Variants in FBXL7 observed in about 807,000 individuals in gnomAD.
FBXL7 encodes F-box and leucine rich repeat protein 7, also known as F-box/LRR-repeat protein 7.
Under a neutral mutation model 38.3 loss-of-function variants are expected in FBXL7, and 12 were observed. The observed-to-expected ratio is 0.31, with a 90% CI of 0.20 to 0.51. The LOEUF (loss-of-function observed/expected upper bound fraction) is 0.51. Ranked by LOEUF, FBXL7 falls within the 20% of genes least tolerant of loss-of-function variation. The pLI is 0.98. For synonymous variants in FBXL7, 297 were observed against 300.9 expected, an observed-to-expected ratio of 0.99 and a Z score of 0.13; for missense variants, 567 against 676.4, an observed-to-expected ratio of 0.84 and a Z score of 1.79.
At chr5:15,573,925 G>C (rs1738874582) in intron 1 of FBXL7, among the ~76,000 whole-genome samples, 1 of 152,164 alleles carries the variant, frequency 6.6e-6, no homozygotes, top group Non-Finnish European at 1.5e-5. Flanking sequence ...GGAAACTTCT[G>C]AGTCATATAA....
chr5:15,658,300 T>C lies in FBXL7; in HGVS notation c.127+42228T>C, dbSNP rs569571095. On this transcript the variant is annotated intron_variant, in intron 2 of 3. Transcript: ENST00000504595. Reference sequence around the variant, plus strand: ...TAAACTAGTAGGAATTAGTTGTGTTTGAAACTAAGAATTTTGACTGAATGA... The same window carrying C: ...TAAACTAGTAGGAATTAGTTGTGTTCGAAACTAAGAATTTTGACTGAATGA... 1.7e-4 allele frequency among the ~76,000 whole-genome samples: 26 copies of C among 152,318 alleles called. No individual in the cohort carries two copies. The South Asian group carries it at 4.8e-3, about 28-fold the overall frequency.
chr5:15,905,638 G>C lies in FBXL7; in HGVS notation c.128-22252G>C, dbSNP rs557507306. 3.9e-5 allele frequency among the ~76,000 whole-genome samples: 6 copies of C among 152,156 alleles called. No homozygotes were observed. In the South Asian group the frequency reaches 1.2e-3, roughly 32 times the overall value. Reference sequence around the variant, plus strand: ...CAACAAAATCTTGAAGAAAGCTCAGGCCACCAGCCTGGAATATGATGTCAG... The same window carrying C: ...CAACAAAATCTTGAAGAAAGCTCAGCCCACCAGCCTGGAATATGATGTCAG... On this transcript the variant is annotated intron_variant, in intron 2 of 3. Coordinates refer to ENST00000504595, the MANE Select transcript of FBXL7 (RefSeq NM_012304.5).
chr5:15,661,213 A>T (rs1434589171), intron 2 of FBXL7, among the ~76,000 whole-genome samples: 2 of 152,288 alleles, frequency 1.3e-5, no homozygotes, highest in African/African-American at 4.8e-5. Flanking sequence ...GTTTATTTCT[A>T]GTGTATAGAA....
In FBXL7 at chr5:15,597,752, T is replaced by C. The variant is rs572793610; in HGVS notation, c.38-18231T>C. Among the ~76,000 whole-genome samples, 50 of 152,310 alleles carry C rather than the reference T, an allele frequency of 3.3e-4. No homozygotes were observed. The South Asian group carries it at 9.9e-3, about 30-fold the overall frequency. On this transcript the variant is annotated intron_variant, in intron 1 of 3. Coordinates refer to ENST00000504595, the MANE Select transcript of FBXL7 (RefSeq NM_012304.5). ...AGTGATGCCTTCATGCTAGAAGAGT[T>C]TGGGAAAAGAATTCTCAGGAATTTT...
chr5:15,827,841 T>A (rs564513617), intron 2 of FBXL7, among the ~76,000 whole-genome samples: 2 of 152,350 alleles, frequency 1.3e-5, no homozygotes, highest in African/African-American at 4.8e-5. Context: ...CAGAATTTAA[T>A]TTCTTAAAAT....
At chr5:15,714,188 T>C (rs1464928644) in intron 2 of FBXL7, among the ~76,000 whole-genome samples, 1 of 152,162 alleles carries the variant, frequency 6.6e-6, no homozygotes, top group African/African-American at 2.4e-5. Context: ...GGGAGTTGAG[T>C]GGATCATGGG....
intron 2 of FBXL7, among the ~76,000 whole-genome samples, chr5:15,858,377 ATTT>A (rs1287685543): frequency 1.3e-5 from 2 of 152,098 alleles, no homozygotes; most frequent in Non-Finnish European, 2.9e-5. Context: ...TTCAGCTAAT[ATTT>A]TATTCAGGAA....
chr5:15,864,087 C>T (rs1290659182), intron 2 of FBXL7, among the ~76,000 whole-genome samples: 1 of 152,132 alleles, frequency 6.6e-6, no homozygotes, highest in African/African-American at 2.4e-5. Context: ...AATCACTTAA[C>T]ATGAGTGTCT....
chr5:15,580,645 G>GA (rs1272113649), intron 1 of FBXL7: 1 of 985,422 alleles, frequency 1.0e-6, no homozygotes, highest in Non-Finnish European at 1.2e-6. Context: ...TTGCCTGGGA[G>GA]AAAATATCAA....
At chr5:15,874,017 C>T (rs2089201) in intron 2 of FBXL7, among the ~76,000 whole-genome samples, 88,730 of 151,874 alleles carry the variant, frequency 0.58, 26,190 homozygotes, top group Non-Finnish European at 0.64. Context: ...GCGAAAATAC[C>T]CAATAAAATA....
intron 2 of FBXL7, among the ~76,000 whole-genome samples, chr5:15,728,172 T>A (rs1437961628): frequency 6.6e-6 from 1 of 152,198 alleles, no homozygotes; most frequent in Admixed American, 6.5e-5. Context: ...TTAAGATAAC[T>A]GTTTTAAAGT....
chr5:15,753,691 G>A (rs560939542), intron 2 of FBXL7, among the ~76,000 whole-genome samples: 3 of 152,262 alleles, frequency 2.0e-5, no homozygotes, highest in East Asian at 1.9e-4. Context: ...GTACTTTGAT[G>A]TAGTTCTAGT....
At chr5:15,670,671 T>C (rs1251296791) in intron 2 of FBXL7, among the ~76,000 whole-genome samples, 1 of 152,128 alleles carries the variant, frequency 6.6e-6, no homozygotes, top group Non-Finnish European at 1.5e-5. Flanking sequence ...TGCAATGGCA[T>C]GTGCCTGTAT....
chr5:15,914,572 A>G (rs565695058), intron 2 of FBXL7, among the ~76,000 whole-genome samples: 2 of 152,144 alleles, frequency 1.3e-5, no homozygotes, highest in South Asian at 2.1e-4. Flanking sequence ...CTATTAAACT[A>G]AGTGTATGTA....
intron 2 of FBXL7, among the ~76,000 whole-genome samples, chr5:15,748,236 A>G (rs2126682105): frequency 6.6e-6 from 1 of 152,316 alleles, no homozygotes; most frequent in African/African-American, 2.4e-5. Flanking sequence ...GACAACAAAC[A>G]GTTATCTGGC....
intron 2 of FBXL7, among the ~76,000 whole-genome samples, chr5:15,864,122 A>G (rs1488464808): frequency 1.3e-5 from 2 of 152,042 alleles, no homozygotes; most frequent in African/African-American, 2.4e-5. Flanking sequence ...AGCAACCCAA[A>G]TGGACTAAGA....
chr5:15,739,912 G>A (rs556751916), intron 2 of FBXL7, among the ~76,000 whole-genome samples: 22 of 152,216 alleles, frequency 1.4e-4, no homozygotes, highest in African/African-American at 4.8e-4. Flanking sequence ...ATATACCTAG[G>A]AGTGCTGGGT....
chr5:15,664,328 T>C (rs1742197916), intron 2 of FBXL7, among the ~76,000 whole-genome samples: 1 of 152,178 alleles, frequency 6.6e-6, no homozygotes, highest in Non-Finnish European at 1.5e-5. Flanking sequence ...ACAATCTATG[T>C]TACTCTGTTA....
intron 2 of FBXL7, among the ~76,000 whole-genome samples, chr5:15,668,575 T>C (rs1742360245): frequency 6.6e-6 from 1 of 152,162 alleles, no homozygotes; most frequent in South Asian, 2.1e-4. Flanking sequence ...ATTCTCCTCA[T>C]TTTGACTGAT....
Sources: gnomAD v4.1 joint callset for allele counts (sites outside exome capture counted in the v4.1 genomes callset) on GRCh38, gnomAD v4.1.1 for gene constraint, MANE v1.5 for transcripts, NCBI Gene and HGNC (gene_info 2026-07-23, HGNC 2026-07-21) for gene names.